TBC1D22A: variants seen among roughly 807,000 people sequenced by gnomAD.
TBC1D22A encodes TBC1 domain family member 22A.
A neutral mutation model predicts 60.2 loss-of-function variants in TBC1D22A; 38 were observed. The ratio of observed to expected loss-of-function variants is 0.63; its 90% CI spans 0.49 to 0.83. The LOEUF is 0.83. TBC1D22A is among the 40% of genes least tolerant of loss of function. TBC1D22A has a pLI of 0.00. For synonymous variants in TBC1D22A, 302 were observed against 281.7 expected (o/e 1.07, Z -0.72); for missense variants, 628 against 701.0 (o/e 0.90, Z 1.18).
chr22:47,135,761 T>C (rs1397726713), intron 12 of TBC1D22A, among the ~76,000 whole-genome samples: 1 of 152,208 alleles, frequency 6.6e-6, no homozygotes, highest in Non-Finnish European at 1.5e-5. Context: ...ACCAAAAAGC[T>C]CTAGGCAGGG....
chr22:47,163,848 A>G (rs1187644273), intron 12 of TBC1D22A, among the ~76,000 whole-genome samples: 2 of 152,224 alleles, frequency 1.3e-5, no homozygotes, highest in African/African-American at 4.8e-5. Context: ...AGCAGGGTTC[A>G]TGAGCACTGG....
intron 11 of TBC1D22A, among the ~76,000 whole-genome samples, chr22:47,040,848 G>A (rs1387194761): frequency 3.3e-5 from 5 of 152,148 alleles, no homozygotes; most frequent in Admixed American, 3.3e-4. Flanking sequence ...TCTGAGTATG[G>A]TGAGTGAGCA....
chr22:47,151,803 G>A (rs114386351), intron 12 of TBC1D22A, among the ~76,000 whole-genome samples: 202 of 152,320 alleles, frequency 1.3e-3, no homozygotes, highest in African/African-American at 4.4e-3. Flanking sequence ...CCACCATGCC[G>A]GCCTGTCGGG....
intron 10 of TBC1D22A, among the ~76,000 whole-genome samples, chr22:47,006,174 C>A (rs6009094): frequency 6.6e-6 from 1 of 152,126 alleles, no homozygotes; most frequent in Non-Finnish European, 1.5e-5. Context: ...ACATTTCCGT[C>A]GCTTGATGTG....
chr22:47,166,125 C>A (rs1251488868), intron 12 of TBC1D22A, among the ~76,000 whole-genome samples: 9 of 152,320 alleles, frequency 5.9e-5, no homozygotes, highest in South Asian at 2.1e-4. Flanking sequence ...TGCCCGGGAG[C>A]AGGTGTTGAC....
At chr22:47,151,397 C>T (rs780580452) in intron 12 of TBC1D22A, among the ~76,000 whole-genome samples, 5 of 152,204 alleles carry the variant, frequency 3.3e-5, no homozygotes, top group Admixed American at 6.5e-5. Context: ...AATGTGAGAA[C>T]GCAGACTTGA....
At chr22:46,954,226 G>C (rs532212564) in intron 8 of TBC1D22A, among the ~76,000 whole-genome samples, 5 of 152,326 alleles carry the variant, frequency 3.3e-5, no homozygotes, top group Admixed American at 1.3e-4. Flanking sequence ...CTTCTTGCAG[G>C]CTGCGTGACT....
At chr22:46,793,928 G>A in intron 3 of TBC1D22A, 87 bp downstream of exon 3, 1 of 1,291,332 alleles carries the variant, frequency 7.7e-7, no homozygotes, top group African/African-American at 1.5e-5. Flanking sequence ...GAGAATCAGT[G>A]GGTTCCCATC....
chr22:46,777,337 G>C lies in TBC1D22A; in HGVS notation c.62+14489G>C, dbSNP rs1418972476. ...AGGGATGAGCACATTGTCTATTTTT[G>C]TGTGACTGGTAGAGAGTGATGTTGT... On this transcript the variant is annotated intron_variant, in intron 1 of 12. Transcript: ENST00000337137. This position sits in a 1 kb window ranked among gnomAD's most constrained non-coding sequence, Gnocchi z 4.5. Among the ~76,000 whole-genome samples, 2 of 152,184 alleles carry C rather than the reference G, an allele frequency of 1.3e-5. No individual in the cohort carries two copies.
intron 11 of TBC1D22A, among the ~76,000 whole-genome samples, chr22:47,090,245 C>T (rs987161186): frequency 1.3e-5 from 2 of 152,210 alleles, no homozygotes; most frequent in African/African-American, 4.8e-5. Context: ...CAGCATCCGC[C>T]AGCTCATGTC....
At chr22:46,935,366 TGA>T (rs1234573806) in intron 8 of TBC1D22A, among the ~76,000 whole-genome samples, 9 of 152,194 alleles carry the variant, frequency 5.9e-5, no homozygotes, top group Non-Finnish European at 1.0e-4. Flanking sequence ...TGTTAAAAAG[TGA>T]GTCAAAAAAA....
intron 8 of TBC1D22A, among the ~76,000 whole-genome samples, chr22:46,929,917 A>G (rs1390146369): frequency 2.0e-5 from 3 of 152,032 alleles, no homozygotes; most frequent in Non-Finnish European, 4.4e-5. Context: ...CTCAGCCCCT[A>G]TGTGTGTGTG....
intron 5 of TBC1D22A, among the ~76,000 whole-genome samples, chr22:46,880,200 G>A (rs2071689380): frequency 6.6e-6 from 1 of 152,208 alleles, no homozygotes; most frequent in African/African-American, 2.4e-5. Context: ...TACACTTAGG[G>A]AGACATGAGA....
At chr22:47,162,509 G>A (rs1373945596) in intron 12 of TBC1D22A, among the ~76,000 whole-genome samples, 1 of 152,172 alleles carries the variant, frequency 6.6e-6, no homozygotes, top group Non-Finnish European at 1.5e-5. Context: ...GCAGCTTCGA[G>A]GTTTTCTTTC....
At chr22:46,978,672 C>T (rs1022488848) in intron 9 of TBC1D22A, among the ~76,000 whole-genome samples, 22 of 152,104 alleles carry the variant, frequency 1.4e-4, no homozygotes, top group African/African-American at 5.3e-4. Context: ...GGCAGTGGTG[C>T]GATCTCAGTT....
intron 12 of TBC1D22A, chr22:47,116,050 G>GC (rs1229407196): frequency 5.3e-5 from 8 of 152,222 alleles, no homozygotes. Flanking sequence ...ACTGCTAAAC[G>GC]CCCTGCAGGC....
chr22:46,909,981 C>CAG (rs2069790056), intron 7 of TBC1D22A, among the ~76,000 whole-genome samples: 1 of 152,220 alleles, frequency 6.6e-6, no homozygotes, highest in Non-Finnish European at 1.5e-5. Context: ...CTACTTGCAG[C>CAG]TCGGCTAAAT....
chr22:47,008,997 G>A (rs1003533965), intron 10 of TBC1D22A, among the ~76,000 whole-genome samples: 4 of 152,158 alleles, frequency 2.6e-5, no homozygotes, highest in Admixed American at 6.5e-5. Flanking sequence ...AATAATTCTC[G>A]AACATTTCTG....
rs187940127 is a variant in TBC1D22A, at chr22:46,936,063, G to T, written c.1015+23875G>T. 4.6e-5 allele frequency among the ~76,000 whole-genome samples: 7 copies of T among 152,384 alleles called. No homozygotes were observed. The East Asian group carries it at 1.3e-3, about 29-fold the overall frequency. On this transcript the variant is annotated intron_variant, in intron 8 of 12. Transcript: ENST00000337137. ...TCATCAGCTTTTGAGTTAATGCCAG[G>T]CTCTGAGTGCCTCATCCTCAGCACT...
Sources: gnomAD v4.1 joint callset for allele counts (sites outside exome capture counted in the v4.1 genomes callset) on GRCh38, gnomAD v4.1.1 for gene constraint, Gnocchi (gnomAD v3.1) non-coding constraint, MANE v1.5 for transcripts, NCBI Gene and HGNC (gene_info 2026-07-23, HGNC 2026-07-21) for gene names.